ADAM23: variants seen among roughly 807,000 people sequenced by gnomAD.
The protein encoded by ADAM23 is ADAM metallopeptidase domain 23, also known as disintegrin and metalloproteinase domain-containing protein 23.
A neutral mutation model predicts 120.1 loss-of-function variants in ADAM23; 33 were observed. The ratio of observed to expected loss-of-function variants is 0.27; its 90% CI spans 0.21 to 0.37. The LOEUF (loss-of-function observed/expected upper bound fraction) is 0.37, where lower values mean the gene tolerates loss of function less well. Ranked by LOEUF, ADAM23 falls within the 10% of genes least tolerant of loss-of-function variation. The probability of loss-of-function intolerance (pLI) is 1.00; values close to 1 mark genes in which losing one functional copy is unlikely to be tolerated. For missense variants in ADAM23, 862 were observed against 1,058.2 expected (o/e 0.81, Z 2.57); for synonymous variants, 367 against 375.2 (o/e 0.98, Z 0.25).
chr2:206,472,643 G>A (rs1174053860), intron 2 of ADAM23, among the ~76,000 whole-genome samples: 2 of 151,122 alleles, frequency 1.3e-5, no homozygotes, highest in African/African-American at 2.4e-5. Context: ...ACCTCAAACT[G>A]AGGTACATAA....
At chr2:206,610,970 A>G (rs1464254634) in intron 25 of ADAM23, among the ~76,000 whole-genome samples, 2 of 152,236 alleles carry the variant, frequency 1.3e-5, no homozygotes, top group African/African-American at 2.4e-5. Context: ...TGGTTACTCA[A>G]AAGAGGAAGC....
rs141513165 is a variant in ADAM23, at chr2:206,559,935, G to T, written c.1006-20G>T. Reference sequence around the variant, plus strand: ...GACCCAGTGTTTTCCTCCTGCACCTGTCCTGTTGTATACCCTCAGATTTAC... The same window carrying T: ...GACCCAGTGTTTTCCTCCTGCACCTTTCCTGTTGTATACCCTCAGATTTAC... On this transcript the variant is annotated intron_variant, in intron 10 of 25. Coordinates refer to ENST00000264377, the MANE Select transcript of ADAM23 (RefSeq NM_003812.4). 33 of 1,602,606 alleles carry T rather than the reference G, an allele frequency of 2.1e-5. No homozygotes were observed. In the African/African-American group the frequency reaches 3.5e-4, roughly 17 times the overall value.
intron 2 of ADAM23, among the ~76,000 whole-genome samples, chr2:206,466,099 A>G (rs2113378): frequency 0.13 from 20,001 of 152,178 alleles, 1,558 homozygotes; most frequent in Non-Finnish European, 0.18. Context: ...AAAAGTAGTG[A>G]CATGTTTGAA....
chr2:206,453,378 C>T (rs183921724), intron 2 of ADAM23, among the ~76,000 whole-genome samples: 1 of 152,290 alleles, frequency 6.6e-6, no homozygotes, highest in East Asian at 1.9e-4. Context: ...TAATTAATTG[C>T]TTGTAGAATA....
intron 24 of ADAM23, among the ~76,000 whole-genome samples, chr2:206,602,026 C>T (rs1460983945): frequency 6.6e-6 from 1 of 152,026 alleles, no homozygotes; most frequent in Non-Finnish European, 1.5e-5. Context: ...TTTACATTTA[C>T]CTTTTGCAAT....
intron 3 of ADAM23, among the ~76,000 whole-genome samples, chr2:206,485,716 T>C (rs1386142458): frequency 6.6e-6 from 1 of 152,218 alleles, no homozygotes; most frequent in African/African-American, 2.4e-5. Context: ...GAGAATAAGA[T>C]AGACAAGACT....
chr2:206,587,956 A>C (rs575339613), intron 19 of ADAM23, 135 bp from the exon 20 acceptor site: 2 of 806,336 alleles, frequency 2.5e-6, no homozygotes, highest in African/African-American at 1.7e-5. Context: ...TGTGATCCTT[A>C]CTGGTCACTA....
chr2:206,475,748 T>C (rs1695761606), intron 2 of ADAM23, among the ~76,000 whole-genome samples: 2 of 152,040 alleles, frequency 1.3e-5, no homozygotes, highest in African/African-American at 4.8e-5. Context: ...ATCTGCCTTC[T>C]CTGAAACATT....
At chr2:206,578,789 A>G (rs954362333) in intron 18 of ADAM23, among the ~76,000 whole-genome samples, 9 of 152,102 alleles carry the variant, frequency 5.9e-5, no homozygotes, top group Admixed American at 3.9e-4. Context: ...AAATAGATCT[A>G]TTTTTAGCTG....
At chr2:206,521,898 CA>C (rs768442795) in intron 3 of ADAM23, among the ~76,000 whole-genome samples, 39 of 152,180 alleles carry the variant, frequency 2.6e-4, no homozygotes, top group Non-Finnish European at 4.7e-4. Flanking sequence ...TCCTTGCCAG[CA>C]GTGGCTACTG....
At chr2:206,551,254 A>G (rs1007998581) in intron 9 of ADAM23, among the ~76,000 whole-genome samples, 1 of 152,140 alleles carries the variant, frequency 6.6e-6, no homozygotes, top group African/African-American at 2.4e-5. Context: ...TCAAGCTATC[A>G]AAGTGAGATC....
chr2:206,610,161 C>T lies in ADAM23; in HGVS notation c.2450+161C>T, dbSNP rs561866346. On this transcript the variant is annotated intron_variant, in intron 25 of 25. Transcript: ENST00000264377. The stretch of plus-strand genomic sequence containing the variant: ...GAAATGGGTTAGAAATGAAGAAACA[C>T]GGACCCTCAACTGTCATTTTCAGGC... Among the ~76,000 whole-genome samples, 21 of 152,278 alleles carry T rather than the reference C, an allele frequency of 1.4e-4. No individual in the cohort carries two copies. The South Asian group carries it at 3.1e-3, about 23-fold the overall frequency.
chr2:206,580,685 G>A (rs912246467), intron 18 of ADAM23, among the ~76,000 whole-genome samples: 8 of 151,946 alleles, frequency 5.3e-5, no homozygotes, highest in Non-Finnish European at 7.4e-5. Flanking sequence ...TTTCTTTTTT[G>A]GTAATGTCCT....
At chr2:206,541,661 A>G in intron 4 of ADAM23, among the ~76,000 whole-genome samples, 1 of 152,218 alleles carries the variant, frequency 6.6e-6, no homozygotes, top group East Asian at 1.9e-4. Flanking sequence ...AACAAATAAG[A>G]TATTGTATAA....
intron 10 of ADAM23, 56 bp from the exon 11 acceptor site, chr2:206,559,899 C>T (rs1446660410): frequency 2.2e-5 from 32 of 1,485,238 alleles, no homozygotes; most frequent in Non-Finnish European, 2.6e-5. Context: ...ACTCACTGAT[C>T]GTGCATGTTT....
chr2:206,564,809 G>A (rs924056133), intron 13 of ADAM23, among the ~76,000 whole-genome samples: 1 of 152,136 alleles, frequency 6.6e-6, no homozygotes, highest in South Asian at 2.1e-4. Flanking sequence ...CTTGCCAGCT[G>A]TTTTCTTAGG....
At chr2:206,482,446 C>T (rs968849806) in intron 3 of ADAM23, among the ~76,000 whole-genome samples, 9 of 152,238 alleles carry the variant, frequency 5.9e-5, no homozygotes, top group East Asian at 5.8e-4. Flanking sequence ...ACTCTTACTG[C>T]GGTGGAGACC....
rs561266358 is a variant in ADAM23 at position 206,604,419 on chromosome 2, C to T, written c.2360-5491C>T. Among the ~76,000 whole-genome samples, 182 of 152,124 alleles carry T rather than the reference C, an allele frequency of 1.2e-3. 1 individual carries two copies. Among genetic ancestry groups the T allele is most frequent in the African/African-American group, 3.8e-3 (158 of 41,500 alleles). On this transcript the variant is annotated intron_variant, in intron 24 of 25. Coordinates refer to ENST00000264377, the MANE Select transcript of ADAM23 (RefSeq NM_003812.4). ...GTGTTTGCCTCCATAACTTGAAAATCGGAGTAGTTCAGGTGGTTTTGAGTT... is the reference window on the plus strand; with the variant it reads ...GTGTTTGCCTCCATAACTTGAAAATTGGAGTAGTTCAGGTGGTTTTGAGTT...
chr2:206,515,721 C>G (rs979878942), intron 3 of ADAM23, among the ~76,000 whole-genome samples: 2 of 152,124 alleles, frequency 1.3e-5, no homozygotes, highest in Admixed American at 1.3e-4. Context: ...TATGTGAACA[C>G]TTTTAGACTG....
Sources: allele counts gnomAD v4.1 joint callset (sites outside exome capture counted in the v4.1 genomes callset), GRCh38; gene constraint gnomAD v4.1.1; transcripts MANE v1.5; gene names NCBI Gene and HGNC (gene_info 2026-07-23, HGNC 2026-07-21).